CDH13: variants seen among roughly 807,000 people sequenced by gnomAD.
The protein encoded by CDH13 is cadherin-13.
In CDH13, 24 loss-of-function variants were observed where a neutral mutation model predicts 63.8. The ratio of observed to expected loss-of-function variants is 0.38; its 90% confidence interval spans 0.27 to 0.53. The LOEUF is 0.53. Ranked by LOEUF, CDH13 falls within the 20% of genes least tolerant of loss-of-function variation. CDH13 has a pLI of 0.85. For synonymous variants in CDH13, 503 were observed against 355.3 expected, an observed-to-expected ratio of 1.42 and a Z score of -4.67; for missense variants, 1,049 against 903.1, an observed-to-expected ratio of 1.16 and a Z score of -2.07.
intron 1 of CDH13, among the ~76,000 whole-genome samples, chr16:82,716,925 T>G (rs1457844559): frequency 6.6e-6 from 1 of 151,768 alleles, no homozygotes; most frequent in African/African-American, 2.4e-5. Flanking sequence ...CAAGTCCCGG[T>G]GTAGAGTTTG....
intron 6 of CDH13, among the ~76,000 whole-genome samples, chr16:83,485,908 C>A (rs1166975337): frequency 1.3e-5 from 2 of 152,128 alleles, no homozygotes; most frequent in Non-Finnish European, 2.9e-5. Flanking sequence ...CCTTGGAGGC[C>A]GAGGCAGGTG....
chr16:83,181,054 T>C, intron 4 of CDH13: 1 of 1,462,794 alleles, frequency 6.8e-7, no homozygotes, highest in Admixed American at 2.2e-5. Flanking sequence ...CCATTTTCTC[T>C]ACAGAATGAT....
intron 4 of CDH13, among the ~76,000 whole-genome samples, chr16:83,183,877 A>G (rs1239226551): frequency 6.6e-6 from 1 of 152,158 alleles, no homozygotes; most frequent in Non-Finnish European, 1.5e-5. Flanking sequence ...TGAAGCAGAC[A>G]TTAGGTGAAT....
chr16:83,215,046 A>G (rs1410316622), intron 4 of CDH13, among the ~76,000 whole-genome samples: 1 of 101,162 alleles, frequency 9.9e-6, no homozygotes, highest in East Asian at 3.0e-4. Flanking sequence ...ACTGAAAATT[A>G]TTTTCATCAG....
chr16:82,717,979 C>T (rs1243292051), intron 1 of CDH13, among the ~76,000 whole-genome samples: 2 of 152,166 alleles, frequency 1.3e-5, no homozygotes, highest in African/African-American at 4.8e-5. Flanking sequence ...AGACCTGACC[C>T]ATTCTGTGTG....
chr16:83,130,971 G>C (rs189144071), intron 4 of CDH13, among the ~76,000 whole-genome samples: 9 of 152,138 alleles, frequency 5.9e-5, no homozygotes, highest in Non-Finnish European at 1.0e-4. Flanking sequence ...CCACAGCAGG[G>C]TTATTCAGGC....
intron 1 of CDH13, among the ~76,000 whole-genome samples, chr16:82,728,591 G>A (rs948970305): frequency 3.9e-5 from 6 of 152,234 alleles, no homozygotes; most frequent in Non-Finnish European, 5.9e-5. Context: ...GATCATTTGA[G>A]CCTTCAGGGA....
chr16:82,861,539 T>C (rs533752203), intron 2 of CDH13, among the ~76,000 whole-genome samples: 1 of 152,346 alleles, frequency 6.6e-6, no homozygotes, highest in South Asian at 2.1e-4. Flanking sequence ...CTATCTTTGT[T>C]CAGACAGTAA....
chr16:83,338,136 A>T (rs1442651032), intron 5 of CDH13, among the ~76,000 whole-genome samples: 1 of 150,914 alleles, frequency 6.6e-6, no homozygotes, highest in East Asian at 2.0e-4. Context: ...GTGCAAAAAA[A>T]GGCCAGACCT....
At chr16:82,984,796 A>G (rs768407404) in intron 2 of CDH13, among the ~76,000 whole-genome samples, 4 of 152,164 alleles carry the variant, frequency 2.6e-5, no homozygotes, top group Non-Finnish European at 5.9e-5. Context: ...CTTTATACAC[A>G]CATACTATGC....
intron 8 of CDH13, among the ~76,000 whole-genome samples, chr16:83,666,914 C>A (rs1036585895): frequency 1.3e-5 from 2 of 152,128 alleles, no homozygotes; most frequent in African/African-American, 4.8e-5. Context: ...ATTTCTTTCC[C>A]ATCTGTCTCT....
At chr16:83,586,986 G>C (rs553194723) in intron 7 of CDH13, among the ~76,000 whole-genome samples, 3 of 152,260 alleles carry the variant, frequency 2.0e-5, no homozygotes, top group Non-Finnish European at 4.4e-5. Flanking sequence ...TCCTGTCCAT[G>C]GCTAGAGTGG....
intron 6 of CDH13, among the ~76,000 whole-genome samples, chr16:83,432,068 A>C (rs150880303): frequency 1.6e-4 from 24 of 152,178 alleles, no homozygotes; most frequent in Non-Finnish European, 2.5e-4. Flanking sequence ...TTCTGCAATT[A>C]CCCAGACCCA....
chr16:83,085,053 A>G (rs913564037), intron 3 of CDH13, among the ~76,000 whole-genome samples: 2 of 152,228 alleles, frequency 1.3e-5, no homozygotes, highest in East Asian at 3.9e-4. Flanking sequence ...TTTAATCTTC[A>G]TAGTTTTCCC....
chr16:82,839,996 G>A (rs1199818906), intron 1 of CDH13, among the ~76,000 whole-genome samples: 1 of 152,062 alleles, frequency 6.6e-6, no homozygotes, highest in Non-Finnish European at 1.5e-5. Context: ...TTGAACTTCT[G>A]GACTCAAACA....
chr16:83,527,616 A>G (rs565320515), intron 7 of CDH13, among the ~76,000 whole-genome samples: 1 of 152,360 alleles, frequency 6.6e-6, no homozygotes, highest in East Asian at 1.9e-4. Flanking sequence ...GGCCCAGGGC[A>G]ACCTGAGTCT....
At chr16:83,249,829 T>G (rs1905314750) in intron 5 of CDH13, among the ~76,000 whole-genome samples, 1 of 152,234 alleles carries the variant, frequency 6.6e-6, no homozygotes, top group African/African-American at 2.4e-5. Flanking sequence ...ACAGATCATT[T>G]ACCAAAAAAA....
chr16:83,724,687 A>C (rs1483473096), intron 10 of CDH13, among the ~76,000 whole-genome samples: 1 of 152,166 alleles, frequency 6.6e-6, no homozygotes, highest in Non-Finnish European at 1.5e-5. Flanking sequence ...CCTATCTCCT[A>C]AGCTCTCTCC....
chr16:83,425,080 C>G (rs967378678), intron 6 of CDH13, among the ~76,000 whole-genome samples: 1 of 152,182 alleles, frequency 6.6e-6, no homozygotes, highest in Non-Finnish European at 1.5e-5. Flanking sequence ...TGCTTACAAC[C>G]TCGGTCAAGA....
Sources: gnomAD v4.1 joint callset for allele counts (sites outside exome capture counted in the v4.1 genomes callset) on GRCh38, gnomAD v4.1.1 for gene constraint, MANE v1.5 for transcripts, NCBI Gene and HGNC (gene_info 2026-07-23, HGNC 2026-07-21) for gene names.